The following KIF26B variants were observed in gnomAD, a reference collection of about 807,000 sequenced individuals.
The protein encoded by KIF26B is kinesin-like protein KIF26B.
In KIF26B, 63 loss-of-function variants were observed where a neutral mutation model predicts 151.2. That is an observed-to-expected ratio of 0.42 (90% CI 0.34 to 0.51). KIF26B has a LOEUF of 0.51. Ranked by LOEUF, KIF26B falls within the 20% of genes least tolerant of loss-of-function variation. The probability of loss-of-function intolerance (pLI) is 0.07; values close to 1 mark genes in which losing one functional copy is unlikely to be tolerated. For missense variants in KIF26B, 2,813 were observed against 2,913.6 expected, an observed-to-expected ratio of 0.97 and a Z score of 0.79; for synonymous variants, 1,357 against 1,262.1, an observed-to-expected ratio of 1.08 and a Z score of -1.59.
chr1:245,535,527 CA>C (rs767201875), intron 4 of KIF26B, among the ~76,000 whole-genome samples: 20 of 152,270 alleles, frequency 1.3e-4, no homozygotes, highest in Admixed American at 7.8e-4. Context: ...TCTGGTTCCC[CA>C]CTGCACGCAT....
chr1:245,267,730 A>G (rs1383812767), intron 2 of KIF26B, among the ~76,000 whole-genome samples: 1 of 151,896 alleles, frequency 6.6e-6, no homozygotes, highest in Non-Finnish European at 1.5e-5. Flanking sequence ...GTGAGTTACA[A>G]ACTCCAAGGA....
intron 14 of KIF26B, among the ~76,000 whole-genome samples, chr1:245,701,026 C>CA (rs2044764117): frequency 6.6e-6 from 1 of 151,942 alleles, no homozygotes; most frequent in South Asian, 2.1e-4. Flanking sequence ...AAATTATCTT[C>CA]ATCTTACAAA....
chr1:245,325,710 T>TA (rs1246732828), intron 2 of KIF26B, among the ~76,000 whole-genome samples: 10 of 147,766 alleles, frequency 6.8e-5, no homozygotes, highest in South Asian at 2.2e-4. Context: ...AGACTCCATT[T>TA]AAAAAAAAAA....
At chr1:245,432,880 C>T (rs1029145944) in intron 4 of KIF26B, among the ~76,000 whole-genome samples, 3 of 152,092 alleles carry the variant, frequency 2.0e-5, no homozygotes, top group African/African-American at 4.8e-5. Flanking sequence ...TCGGTAAAAC[C>T]GGAGCATGGA....
At chr1:245,336,756 CT>C (rs1011809723) in intron 2 of KIF26B, among the ~76,000 whole-genome samples, 8 of 152,284 alleles carry the variant, frequency 5.3e-5, no homozygotes, top group Non-Finnish European at 7.3e-5. Flanking sequence ...TCTTACCTTT[CT>C]TTTTCCAAAG....
rs2042941675 is a variant in KIF26B, at chr1:245,560,975, T to C, written c.1350+20025T>C. 6.6e-6 allele frequency among the ~76,000 whole-genome samples: 1 copy of C among 152,186 alleles called. No individual in the cohort carries two copies. Among genetic ancestry groups the C allele is most frequent in the Non-Finnish European group, 1.5e-5 (1 of 68,038 alleles). On this transcript the variant is annotated intron_variant, in intron 5 of 14. Transcript: ENST00000407071. The surrounding 1 kb of genome is among the most constrained non-coding windows in gnomAD (Gnocchi z 4.3). ...CTAGCCCCATGGGACACCTGACTGATAGCAGCCTGTGCAGATGTGAGGAAC... is the reference window on the plus strand; with the variant it reads ...CTAGCCCCATGGGACACCTGACTGACAGCAGCCTGTGCAGATGTGAGGAAC...
intron 4 of KIF26B, among the ~76,000 whole-genome samples, chr1:245,482,219 G>C (rs556683819): frequency 6.6e-6 from 1 of 151,902 alleles, no homozygotes; most frequent in African/African-American, 2.4e-5. Flanking sequence ...AGCCTTCCTA[G>C]TAGCTGGGAC....
intron 2 of KIF26B, among the ~76,000 whole-genome samples, chr1:245,264,107 A>G (rs910934247): frequency 6.6e-6 from 1 of 152,186 alleles, no homozygotes; most frequent in Non-Finnish European, 1.5e-5. Flanking sequence ...ACAATAGTGT[A>G]TTGTTTCTCT....
At chr1:245,498,131 G>T (rs946575478) in intron 4 of KIF26B, among the ~76,000 whole-genome samples, 5 of 152,160 alleles carry the variant, frequency 3.3e-5, no homozygotes, top group African/African-American at 9.7e-5. Context: ...CCATTTCCCT[G>T]CATATCTCCT....
intron 10 of KIF26B, among the ~76,000 whole-genome samples, chr1:245,664,104 C>T (rs2044186218): frequency 6.6e-6 from 1 of 151,906 alleles, no homozygotes; most frequent in South Asian, 2.1e-4. Flanking sequence ...CATGGTGGCT[C>T]ACGCCTGTAA....
At chr1:245,438,614 T>C (rs1658989718) in intron 4 of KIF26B, among the ~76,000 whole-genome samples, 3 of 152,130 alleles carry the variant, frequency 2.0e-5, no homozygotes, top group Admixed American at 6.5e-5. Context: ...GCAGTGTTAT[T>C]CATCAAAGCC....
chr1:245,522,514 C>G (rs1481680746), intron 4 of KIF26B, among the ~76,000 whole-genome samples: 2 of 152,146 alleles, frequency 1.3e-5, no homozygotes, highest in Non-Finnish European at 2.9e-5. Context: ...GTAATTGCCT[C>G]CAGCACACAA....
chr1:245,344,068 C>G (rs1185238782), intron 2 of KIF26B, among the ~76,000 whole-genome samples: 1 of 147,066 alleles, frequency 6.8e-6, no homozygotes, highest in African/African-American at 2.7e-5. Context: ...TTCCCTCCTT[C>G]CTCCCTGCCT....
intron 5 of KIF26B, among the ~76,000 whole-genome samples, chr1:245,600,115 C>T (rs1203659176): frequency 7.6e-5 from 10 of 131,656 alleles, no homozygotes; most frequent in African/African-American, 1.2e-4. Flanking sequence ...CTTGGCTCAC[C>T]ACAACCTCCG....
Position 245,702,518 on chromosome 1 carries a change from T to C in KIF26B, c.6239T>C (p.Val2080Ala). 6.2e-7 allele frequency: 1 copy of C among 1,613,932 alleles called. No homozygotes were observed. Among genetic ancestry groups the C allele is most frequent in the Non-Finnish European group, 8.5e-7 (1 of 1,179,882 alleles). The change falls in exon 15 of 15, where the codon GTG (valine) becomes GCG (alanine). Residue 2080 changes from valine to alanine, a missense_variant. Val to Ala is a moderately conservative substitution (Grantham distance 64). Around this residue, in one of 3 missense-constraint regions of KIF26B, gnomAD observed 2,060 missense variants for 2,088.6 expected, o/e 0.99. Transcript: ENST00000407071. The surrounding 1 kb of genome is among the most constrained non-coding windows in gnomAD (Gnocchi z 4.1). ...GAGTACCTGGAGGCACTGGAGTGTG[T>C]GACGGAGCGCCTGGAGAGCCGTGTC... ...SLEYLEALEC[V>A]TERLESRVNF...
At chr1:245,596,708 C>T (rs894092213) in intron 5 of KIF26B, among the ~76,000 whole-genome samples, 6 of 152,174 alleles carry the variant, frequency 3.9e-5, no homozygotes, top group South Asian at 4.2e-4. Flanking sequence ...TTTTCTGTCT[C>T]GTTGCTCTAA....
chr1:245,386,986 G>C (rs1673562268), intron 3 of KIF26B, among the ~76,000 whole-genome samples: 1 of 152,132 alleles, frequency 6.6e-6, no homozygotes, highest in Admixed American at 6.5e-5. Context: ...TATCAGCTGG[G>C]GGAGCAGAGA....
intron 2 of KIF26B, among the ~76,000 whole-genome samples, chr1:245,324,173 A>G (rs113373352): frequency 0.066 from 6,947 of 105,508 alleles, 214 homozygotes; most frequent in Middle Eastern, 0.12. Flanking sequence ...GATGTGGGTG[A>G]TTGGAGGTGG....
chr1:245,536,126 G>A (rs1661483922), intron 4 of KIF26B, among the ~76,000 whole-genome samples: 3 of 152,160 alleles, frequency 2.0e-5, no homozygotes, highest in African/African-American at 7.2e-5. Flanking sequence ...AAGGCCTCAG[G>A]ATTTAACTGC....
Sources: allele counts gnomAD v4.1 joint callset (sites outside exome capture counted in the v4.1 genomes callset), GRCh38; gene constraint gnomAD v4.1.1; regional missense constraint gnomAD v4.1.1; non-coding constraint Gnocchi (gnomAD v3.1); transcripts MANE v1.5; gene names NCBI Gene and HGNC (gene_info 2026-07-23, HGNC 2026-07-21).